Variants in CDH9 observed in about 807,000 individuals in gnomAD.
The protein encoded by CDH9 is cadherin 9.
CDH9 carries 28 observed loss-of-function variants against 70.9 expected under a neutral mutation model. The observed-to-expected ratio is 0.40, with a 90% CI of 0.29 to 0.54. CDH9 has a LOEUF of 0.54. CDH9 is among the 20% of genes least tolerant of loss of function. The pLI is 0.59. For missense variants in CDH9, 874 were observed against 984.4 expected (o/e 0.89, Z 1.50); for synonymous variants, 409 against 343.1 (o/e 1.19, Z -2.12).
At chr5:26,903,971 T>G (rs896097209) in intron 5 of CDH9, 147 bp from the exon 6 acceptor site, 15 of 541,888 alleles carry the variant, frequency 2.8e-5, no homozygotes, top group Non-Finnish European at 4.1e-5. Flanking sequence ...TGTATATTTA[T>G]TAATTTGGAA....
Position 26,889,938 on chromosome 5 carries a change from G to A in CDH9, c.1410C>T (p.Ser470=). ...ATEINNPKQS[S]HIPVFIRILD... is the part of the protein sequence containing the mutation. ...GAATTCTGATGAAGACAGGGATGTG[G>A]CTACTTTGTTTTGGGTTATCTGCAA... The change falls in exon 9 of 12, where the codon AGC becomes AGT. Residue 470 remains serine, a synonymous_variant. Coordinates refer to ENST00000231021, the MANE Select transcript of CDH9 (RefSeq NM_016279.4). 1.9e-6 allele frequency: 3 copies of A among 1,608,432 alleles called. No individual in the cohort carries two copies. Among genetic ancestry groups the A allele is most frequent in the Non-Finnish European group, 2.5e-6 (3 of 1,176,884 alleles).
chr5:26,974,936 T>C (rs996864897), intron 2 of CDH9, among the ~76,000 whole-genome samples: 1 of 152,170 alleles, frequency 6.6e-6, no homozygotes. Context: ...CTCTAGAATC[T>C]ATCCATCCTA....
intron 5 of CDH9, among the ~76,000 whole-genome samples, chr5:26,904,132 A>C (rs1334560784): frequency 6.6e-6 from 1 of 151,784 alleles, no homozygotes; most frequent in African/African-American, 2.4e-5. Flanking sequence ...GAACATGAAA[A>C]ACAAATATTT....
At chr5:26,961,314 T>A (rs980057052) in intron 2 of CDH9, among the ~76,000 whole-genome samples, 2 of 152,186 alleles carry the variant, frequency 1.3e-5, no homozygotes, top group Admixed American at 1.3e-4. Context: ...CATGTTATTA[T>A]CAGCTATAGT....
intron 2 of CDH9, among the ~76,000 whole-genome samples, chr5:26,940,266 T>G (rs746831501): frequency 6.6e-6 from 1 of 152,108 alleles, no homozygotes; most frequent in Non-Finnish European, 1.5e-5. Context: ...TATAATGTAT[T>G]TTTTCTAAAA....
At chr5:26,957,651 A>T (rs957841754) in intron 2 of CDH9, among the ~76,000 whole-genome samples, 4 of 151,812 alleles carry the variant, frequency 2.6e-5, no homozygotes, top group Non-Finnish European at 5.9e-5. Context: ...AACAGAAGAG[A>T]CGGTCTCAAA....
intron 2 of CDH9, among the ~76,000 whole-genome samples, chr5:26,979,879 A>G (rs1742369954): frequency 6.6e-6 from 1 of 151,860 alleles, no homozygotes; most frequent in Non-Finnish European, 1.5e-5. Context: ...CTGTATTAAA[A>G]TAAATGAGAA....
intron 2 of CDH9, among the ~76,000 whole-genome samples, chr5:26,976,564 A>G (rs1374188932): frequency 6.6e-6 from 1 of 152,038 alleles, no homozygotes; most frequent in Non-Finnish European, 1.5e-5. Context: ...CAGCCTCCCA[A>G]AGAGCTGAGA....
At position 26,881,226 on chromosome 5, in the gene CDH9, A is replaced by G; in HGVS notation, c.2280T>C (p.Cys760=). The part of the protein sequence containing the change: ...LSSLESLTAD[C]NQDYDYLSDW... Reference sequence around the variant, plus strand: ...CACTGAGGTAATCATAATCTTGGTTACAATCAGCTGTGAGAGATTCCAAAG... The same window carrying G: ...CACTGAGGTAATCATAATCTTGGTTGCAATCAGCTGTGAGAGATTCCAAAG... Residue 760 remains cysteine, a synonymous_variant, in exon 12 of 12, where the codon TGT becomes TGC. Coordinates refer to ENST00000231021, the MANE Select transcript of CDH9 (RefSeq NM_016279.4). The G allele has an allele frequency of 1.2e-6, 2 of 1,613,428 alleles. No individual in the cohort carries two copies. Among genetic ancestry groups the G allele is most frequent in the African/African-American group, 2.7e-5 (2 of 75,010 alleles).
At chr5:27,000,497 C>T (rs1341315595) in intron 1 of CDH9, among the ~76,000 whole-genome samples, 1 of 152,068 alleles carries the variant, frequency 6.6e-6, no homozygotes, top group East Asian at 1.9e-4. Context: ...AGATACTAAA[C>T]TGATGGGGTT....
intron 1 of CDH9, among the ~76,000 whole-genome samples, chr5:26,997,711 T>A (rs1307332665): frequency 6.6e-6 from 1 of 151,934 alleles, no homozygotes; most frequent in Non-Finnish European, 1.5e-5. Flanking sequence ...TGGTAATTTT[T>A]TTTTTTTTGA....
chr5:26,957,396 T>A (rs930056939), intron 2 of CDH9, among the ~76,000 whole-genome samples: 1 of 152,172 alleles, frequency 6.6e-6, no homozygotes, highest in Admixed American at 6.5e-5. Context: ...GCCTGGTGGC[T>A]CACATCTGTA....
At chr5:26,984,749 T>C (rs1320471630) in intron 2 of CDH9, among the ~76,000 whole-genome samples, 1 of 152,162 alleles carries the variant, frequency 6.6e-6, no homozygotes, top group Non-Finnish European at 1.5e-5. Context: ...ACAATTATTA[T>C]GACTTTTTTT....
At chr5:27,037,728 ACT>A (rs969831937) in intron 1 of CDH9, among the ~76,000 whole-genome samples, 7 of 151,706 alleles carry the variant, frequency 4.6e-5, no homozygotes, top group African/African-American at 1.7e-4. Flanking sequence ...GCTTAGAAAC[ACT>A]CTCCCTTTCT....
At chr5:26,946,434 A>G (rs980209) in intron 2 of CDH9, among the ~76,000 whole-genome samples, 9,269 of 150,540 alleles carry the variant, frequency 0.062, 387 homozygotes, top group Non-Finnish European at 0.091. Context: ...ACTAATTATC[A>G]TAACTAACGT....
At chr5:26,906,585 C>T in intron 4 of CDH9, 134 bp downstream of exon 4, 1 of 1,311,892 alleles carries the variant, frequency 7.6e-7, no homozygotes. Flanking sequence ...TGTTTACATC[C>T]AATAATGACA....
chr5:26,967,144 G>A (rs1026152174), intron 2 of CDH9, among the ~76,000 whole-genome samples: 21 of 151,782 alleles, frequency 1.4e-4, no homozygotes, highest in African/African-American at 4.8e-4. Flanking sequence ...TGTGGATACA[G>A]GTTCTCACTA....
chr5:26,947,225 G>A (rs1002746621), intron 2 of CDH9, among the ~76,000 whole-genome samples: 3 of 152,150 alleles, frequency 2.0e-5, no homozygotes. Flanking sequence ...TTAAGGAAAT[G>A]ATCATGCTGA....
intron 2 of CDH9, among the ~76,000 whole-genome samples, chr5:26,967,293 T>C (rs1426084568): frequency 6.6e-6 from 1 of 152,050 alleles, no homozygotes; most frequent in Admixed American, 6.6e-5. Flanking sequence ...CTCCCAAACT[T>C]GTTGCTCTGG....
Sources: gnomAD v4.1 joint callset for allele counts (sites outside exome capture counted in the v4.1 genomes callset) on GRCh38, gnomAD v4.1.1 for gene constraint, MANE v1.5 for transcripts, NCBI Gene and HGNC (gene_info 2026-07-23, HGNC 2026-07-21) for gene names.